Variants in ABCA3 observed in about 807,000 individuals in gnomAD.
The protein encoded by ABCA3 is ATP binding cassette subfamily A member 3, also known as phospholipid-transporting ATPase ABCA3.
ABCA3 carries 88 observed loss-of-function variants against 172.8 expected under a neutral mutation model. The ratio of observed to expected loss-of-function variants is 0.51; its 90% CI spans 0.43 to 0.61. The LOEUF is 0.61. Among genes scored for constraint, ABCA3 ranks in the 20% least tolerant of loss-of-function variants. ABCA3 has a pLI of 0.00. For missense variants in ABCA3, 2,164 were observed against 2,301.0 expected, an observed-to-expected ratio of 0.94 and a Z score of 1.22; for synonymous variants, 1,066 against 983.8, an observed-to-expected ratio of 1.08 and a Z score of -1.56.
At chr16:2,320,910 A>C (rs1240635011) in intron 7 of ABCA3, among the ~76,000 whole-genome samples, 1 of 151,792 alleles carries the variant, frequency 6.6e-6, no homozygotes, top group East Asian at 1.9e-4. Flanking sequence ...TCTTAATAAC[A>C]AAACTTTTTT....
chr16:2,283,114 C>A lies in ABCA3; in HGVS notation c.4035+72G>T. 1 of 1,506,412 alleles carries A rather than the reference C, an allele frequency of 6.6e-7. No homozygotes were observed. Among genetic ancestry groups the A allele is most frequent in the Non-Finnish European group, 9.1e-7 (1 of 1,102,188 alleles). The allele number at this position is 1,506,412 out of a possible 1,614,324, so 93.3% of individuals were successfully genotyped here. A position where few individuals can be genotyped will look rare whatever the true frequency, so the allele number is the denominator to read the frequency against. On this transcript the variant is annotated intron_variant, in intron 26 of 32. Transcript: ENST00000301732. This position sits in a 1 kb window ranked among gnomAD's most constrained non-coding sequence, Gnocchi z 5.4. The stretch of plus-strand genomic sequence containing the variant: ...GGTGGAGAAGGAGGTGGAGCTGCCC[C>A]AGGTTGTGCTGGGCCCAAGCAGAGA...
chr16:2,314,946 C>T (rs1220863186), intron 10 of ABCA3, among the ~76,000 whole-genome samples: 2 of 147,428 alleles, frequency 1.4e-5, no homozygotes, highest in Admixed American at 6.9e-5. Context: ...GGCACAACCT[C>T]GGCTCACTGC....
Position 2,324,389 on chromosome 16 carries a change from G to A in ABCA3, c.447+15C>T, listed in dbSNP as rs199892606. The A allele has an allele frequency of 2.2e-5, 35 of 1,583,410 alleles. No homozygotes were observed. The highest frequency in any genetic ancestry group is 4.5e-5 in the East Asian group (2 of 44,024). On this transcript the variant is annotated intron_variant, in intron 6 of 32. Transcript: ENST00000301732. ...CTGATGGGCTGTGACTGCTCGGCCC[G>A]GCCGCACGTCTCACCGCCAGCGGCA...
At chr16:2,318,828 A>G (rs756179702) in intron 8 of ABCA3, among the ~76,000 whole-genome samples, 42 of 152,200 alleles carry the variant, frequency 2.8e-4, no homozygotes, top group African/African-American at 9.9e-4. Flanking sequence ...TTTCTTATGC[A>G]TAATTTCTGA....
At position 2,326,511 on chromosome 16, in the gene ABCA3, C is replaced by G; in HGVS notation, c.-26-19G>C. On this transcript the variant is annotated intron_variant, in intron 3 of 32. Coordinates refer to ENST00000301732, the MANE Select transcript of ABCA3 (RefSeq NM_001089.3). ...CCCAGTGCTAGTTACAGACCAAAGA[C>G]AGAGAGTGTGGGTGCGCAATAGAAA... The G allele has an allele frequency of 6.3e-7, 1 of 1,587,792 alleles. No homozygotes were observed. The highest frequency in any genetic ancestry group is 8.6e-7 in the Non-Finnish European group (1 of 1,166,024).
chr16:2,298,365 C>T, intron 15 of ABCA3, 21 bp downstream of exon 15: 1 of 1,613,988 alleles, frequency 6.2e-7, no homozygotes, highest in Non-Finnish European at 8.5e-7. Flanking sequence ...CACCCCTGCA[C>T]ACCCCTGGCC....
intron 3 of ABCA3, among the ~76,000 whole-genome samples, chr16:2,327,773 T>A (rs1181285986): frequency 6.6e-6 from 1 of 152,178 alleles, no homozygotes; most frequent in Non-Finnish European, 1.5e-5. Flanking sequence ...CAGGCTGGAG[T>A]ACAGTGGCGT....
chr16:2,307,515 C>T (rs930144943), intron 11 of ABCA3, among the ~76,000 whole-genome samples: 1 of 151,970 alleles, frequency 6.6e-6, no homozygotes, highest in East Asian at 1.9e-4. Context: ...GATCGCACCA[C>T]TGCACTCAAA....
chr16:2,337,518 T>C (rs1158347120), intron 1 of ABCA3, among the ~76,000 whole-genome samples: 1 of 151,554 alleles, frequency 6.6e-6, no homozygotes, highest in Non-Finnish European at 1.5e-5. Context: ...GGACCATGGG[T>C]GTGCACCACC....
chr16:2,301,230 CAAA>C (rs1224083489), intron 12 of ABCA3, among the ~76,000 whole-genome samples: 2 of 97,170 alleles, frequency 2.1e-5, no homozygotes. Context: ...GACTCCGTCT[CAAA>C]AAAAAAAAAA....
Position 2,293,464 on chromosome 16 carries a change from C to T in ABCA3, c.2415-1226G>A, listed in dbSNP as rs185115479. ...TCGGCTCACTGAAGCCTTGACCTCC[C>T]GGGCTCAAGCAATCCTCTCACCTCA... is the stretch of plus-strand genomic sequence containing the variant. On this transcript the variant is annotated intron_variant, in intron 18 of 32. Coordinates refer to ENST00000301732, the MANE Select transcript of ABCA3 (RefSeq NM_001089.3). 1.7e-3 allele frequency among the ~76,000 whole-genome samples: 263 copies of T among 150,960 alleles called. 2 individuals carry two copies. The highest frequency in any genetic ancestry group is 5.9e-3 in the African/African-American group (243 of 41,034).
chr16:2,326,721 C>T (rs1367711123), intron 3 of ABCA3, among the ~76,000 whole-genome samples: 3 of 152,226 alleles, frequency 2.0e-5, no homozygotes, highest in Non-Finnish European at 4.4e-5. Flanking sequence ...GGTGCAGTGG[C>T]TCATGCCTGT....
At chr16:2,304,210 G>A (rs770561671) in intron 11 of ABCA3, 60 bp from the exon 12 acceptor site, 419 of 1,591,622 alleles carry the variant, frequency 2.6e-4, no homozygotes, top group Non-Finnish European at 3.4e-4. Context: ...CCAGGGACCC[G>A]AAGCCCCTGA....
intron 18 of ABCA3, among the ~76,000 whole-genome samples, chr16:2,295,084 A>G (rs955719891): frequency 6.6e-6 from 1 of 152,252 alleles, no homozygotes; most frequent in African/African-American, 2.4e-5. Flanking sequence ...CAATAAACTG[A>G]TATTATCCAG....
chr16:2,305,892 C>T (rs998089877), intron 11 of ABCA3, among the ~76,000 whole-genome samples: 11 of 152,102 alleles, frequency 7.2e-5, no homozygotes, highest in Non-Finnish European at 1.6e-4. Context: ...TAATGGAGCT[C>T]GTGTTTCTCA....
rs777919632 is a variant in ABCA3, at chr16:2,279,156, G to A, written c.4360-26C>T. 1 of 1,607,318 alleles carries A rather than the reference G, an allele frequency of 6.2e-7. No individual in the cohort carries two copies. The highest frequency in any genetic ancestry group is 8.5e-7 in the Non-Finnish European group (1 of 1,179,494). ...CTGGGGTCGGAGCATAGCCGGGGAG[G>A]GAGGCGGGTTGGAGGGAAGCCTCCT... On this transcript the variant is annotated intron_variant, in intron 28 of 32. Transcript: ENST00000301732. This position sits in a 1 kb window ranked among gnomAD's most constrained non-coding sequence, Gnocchi z 4.4.
At chr16:2,290,002 C>CACACACACACA (rs10675689) in intron 19 of ABCA3, among the ~76,000 whole-genome samples, 5 of 147,290 alleles carry the variant, frequency 3.4e-5, no homozygotes, top group East Asian at 4.1e-4. Context: ...CACACACACA[C>CACACACACACA]CCCTTCCTAG....
At chr16:2,316,578 TG>T (rs2093716293) in intron 10 of ABCA3, among the ~76,000 whole-genome samples, 1 of 137,042 alleles carries the variant, frequency 7.3e-6, no homozygotes, top group African/African-American at 2.8e-5. Flanking sequence ...CTCAAGAGGC[TG>T]AGGCACAAGA....
intron 10 of ABCA3, among the ~76,000 whole-genome samples, chr16:2,310,363 G>A (rs1006633290): frequency 6.6e-6 from 1 of 151,810 alleles, no homozygotes; most frequent in Non-Finnish European, 1.5e-5. Flanking sequence ...AGCCGAGATC[G>A]GGTCACTGCA....
Sources: gnomAD v4.1 joint callset for allele counts (sites outside exome capture counted in the v4.1 genomes callset) on GRCh38, gnomAD v4.1.1 for gene constraint, Gnocchi (gnomAD v3.1) non-coding constraint, MANE v1.5 for transcripts, NCBI Gene and HGNC (gene_info 2026-07-23, HGNC 2026-07-21) for gene names.